The following PIP4P1 variants were observed in gnomAD, a reference collection of about 807,000 sequenced individuals.
PIP4P1 encodes the protein type 1 phosphatidylinositol 4,5-bisphosphate 4-phosphatase.
PIP4P1 carries 14 observed loss-of-function variants against 32.3 expected under a neutral mutation model. The ratio of observed to expected loss-of-function variants is 0.43; its 90% CI spans 0.29 to 0.68. The LOEUF is 0.68. PIP4P1 is among the 30% of genes least tolerant of loss of function. The pLI, the probability that PIP4P1 is intolerant of heterozygous loss-of-function variation, is 0.15. For synonymous variants in PIP4P1, 132 were observed against 137.9 expected (o/e 0.96, Z 0.30); for missense variants, 289 against 364.5 (o/e 0.79, Z 1.69).
intron 6 of PIP4P1, 116 bp downstream of exon 6, chr14:20,459,085 TAAAAC>T (rs765639155): frequency 6.6e-5 from 71 of 1,080,224 alleles, no homozygotes; most frequent in South Asian, 4.9e-4. Context: ...ATCCATATCT[TAAAAC>T]AAAACAAACT....
At chr14:20,460,619 G>A (rs1566518513) in intron 2 of PIP4P1, 36 bp downstream of exon 2, 2 of 1,603,196 alleles carry the variant, frequency 1.2e-6, no homozygotes, top group East Asian at 2.2e-5. Flanking sequence ...GAGGATCCAG[G>A]AAACAGGGCC....
At chr14:20,460,617 A>C in intron 2 of PIP4P1, 38 bp downstream of exon 2, 1 of 1,601,568 alleles carries the variant, frequency 6.2e-7, no homozygotes, top group Non-Finnish European at 8.5e-7. Context: ...AAGAGGATCC[A>C]GGAAACAGGG....
At position 20,459,383 on chromosome 14, in the gene PIP4P1, C is replaced by T. The variant is rs1475040751; in HGVS notation, c.599+5G>A. On this transcript the variant is annotated splice_donor_5th_base_variant and intron_variant, in intron 5 of 6. Coordinates refer to ENST00000250489, the MANE Select transcript of PIP4P1 (RefSeq NM_144568.4). ...CAATTACCAGCTCAATCCCTAATCACTTACACTTTCCTGCAGTGAGGACAA... is the reference window on the plus strand; with the variant it reads ...CAATTACCAGCTCAATCCCTAATCATTTACACTTTCCTGCAGTGAGGACAA... 2 of 1,614,222 alleles carry T rather than the reference C, an allele frequency of 1.2e-6. No individual in the cohort carries two copies. Among genetic ancestry groups the T allele is most frequent in the Non-Finnish European group, 1.7e-6 (2 of 1,180,038 alleles).
rs1881542471 is a variant in PIP4P1 at position 20,458,368 on chromosome 14, A to T, written c.*191T>A. 3 of 794,388 alleles carry T rather than the reference A, an allele frequency of 3.8e-6. No individual in the cohort carries two copies. In the East Asian group the frequency reaches 8.0e-5, roughly 21 times the overall value. 49.2% of individuals were successfully genotyped at this position (794,388 alleles called of 1,614,324 possible). A position where few individuals can be genotyped will look rare whatever the true frequency, so the allele number is the denominator to read the frequency against. On this transcript the variant is annotated 3_prime_UTR_variant, in exon 7 of 7. Transcript: ENST00000250489. ...AACCCTTGGAGGAAAGCAGATGGTCAGCAGTGCTCTTATCTGCCCCTCCAA... is the reference window on the plus strand; with the variant it reads ...AACCCTTGGAGGAAAGCAGATGGTCTGCAGTGCTCTTATCTGCCCCTCCAA...
rs3189662 is a variant in PIP4P1 at position 20,457,694 on chromosome 14, A to T, written c.*865T>A. 44 of 758,554 alleles carry T rather than the reference A, an allele frequency of 5.8e-5. No individual in the cohort carries two copies. In the Middle Eastern group the frequency reaches 1.0e-3, roughly 18 times the overall value. The allele number at this position is 758,554 out of a possible 1,614,324, so 47.0% of individuals were successfully genotyped here. Reference sequence around the variant, plus strand: ...TTTATTTGAGGGTTTTTTGTTTTTTAAAAAAAAATTGAACAAAGACTACTA... The same window carrying T: ...TTTATTTGAGGGTTTTTTGTTTTTTTAAAAAAAATTGAACAAAGACTACTA... On this transcript the variant is annotated 3_prime_UTR_variant, in exon 7 of 7. Coordinates refer to ENST00000250489, the MANE Select transcript of PIP4P1 (RefSeq NM_144568.4).
chr14:20,458,684 C>T lies in PIP4P1; in HGVS notation c.709G>A (p.Ala237Thr), dbSNP rs139808016. 2 of 1,612,444 alleles carry T rather than the reference C, an allele frequency of 1.2e-6. No individual in the cohort carries two copies. Among genetic ancestry groups the T allele is most frequent in the Non-Finnish European group, 1.7e-6 (2 of 1,179,370 alleles). ...GCATAGATGCCTCCATATCGCCGTG[C>T]ATGCTTCCATGTGCCAAACTGATGA... ...TGLAFGTWKH[A>T]RRYGGIYAAW... is the part of the protein sequence containing the mutation. Residue 237 changes from alanine to threonine, a missense_variant, in exon 7 of 7, where the codon GCA becomes ACA. Coordinates refer to ENST00000250489, the MANE Select transcript of PIP4P1 (RefSeq NM_144568.4).
chr14:20,459,337 T>C (rs1294772526), intron 5 of PIP4P1, 41 bp from the exon 6 acceptor site: 12 of 1,614,072 alleles, frequency 7.4e-6, no homozygotes, highest in Non-Finnish European at 1.0e-5. Flanking sequence ...TCTATGGCCT[T>C]GTAGTTTTTA....
At chr14:20,460,094 A>G in intron 3 of PIP4P1, 98 bp downstream of exon 3, 1 of 913,248 alleles carries the variant, frequency 1.1e-6, no homozygotes, top group Non-Finnish European at 1.8e-6. Flanking sequence ...TCCTAAATAA[A>G]CACTAGGCTC....
chr14:20,458,443 G>T lies in PIP4P1; in HGVS notation c.*116C>A. On this transcript the variant is annotated 3_prime_UTR_variant, in exon 7 of 7. Transcript: ENST00000250489. ...CCTACCTCTCCCCAGGGAAAAGGAA[G>T]GCAGCTGCTTGGCTTCCTTCTAGAA... 1 of 1,471,818 alleles carries T rather than the reference G, an allele frequency of 6.8e-7. No homozygotes were observed. The highest frequency in any genetic ancestry group is 9.3e-7 in the Non-Finnish European group (1 of 1,074,300). 91.2% of individuals were successfully genotyped at this position (1,471,818 alleles called of 1,614,324 possible). A position where few individuals can be genotyped will look rare whatever the true frequency, so the allele number is the denominator to read the frequency against.
chr14:20,458,702 A>G lies in PIP4P1; in HGVS notation c.691T>C (p.Phe231Leu). The change falls in exon 7 of 7, where the codon TTT (phenylalanine) becomes CTT (leucine). Residue 231 changes from phenylalanine (F) to leucine (L), a missense_variant and splice_region_variant. Around this residue, in one of 2 missense-constraint regions of PIP4P1, gnomAD observed 181 missense variants for 263.3 expected, o/e 0.69. Coordinates refer to ENST00000250489, the MANE Select transcript of PIP4P1 (RefSeq NM_144568.4). ...LLAVTATGLA[F>L]GTWKHARRYG... ...CGCCGTGCATGCTTCCATGTGCCAAACTGATGAAGATAAGGAGGGAGAAGA... is the reference window on the plus strand; with the variant it reads ...CGCCGTGCATGCTTCCATGTGCCAAGCTGATGAAGATAAGGAGGGAGAAGA... 1 of 1,611,118 alleles carries G rather than the reference A, an allele frequency of 6.2e-7. No individual in the cohort carries two copies.
rs1881683623 is a variant in PIP4P1 at position 20,460,961 on chromosome 14, T to C, written c.143-116A>G. 3.1e-6 allele frequency: 4 copies of C among 1,307,148 alleles called. No individual in the cohort carries two copies. In the Admixed American group the frequency reaches 1.0e-4, roughly 33 times the overall value. 81.0% of individuals were successfully genotyped at this position (1,307,148 alleles called of 1,614,324 possible). ...CTGACCAAGCTCGGAGGGCTTCTCATAATTGGCACTTCTATCAGGTTGCTC... is the reference window on the plus strand; with the variant it reads ...CTGACCAAGCTCGGAGGGCTTCTCACAATTGGCACTTCTATCAGGTTGCTC... On this transcript the variant is annotated intron_variant, in intron 1 of 6. Transcript: ENST00000250489.
rs1049820350 is a variant in PIP4P1 at position 20,460,583 on chromosome 14, A to G, written c.333+72T>C. On this transcript the variant is annotated intron_variant, in intron 2 of 6. Transcript: ENST00000250489. ...GCACTTGGCTAATAGCCGGAAGGTC[A>G]GGGTCTAGAACCAAGACATCAGAAA... 4.6e-6 allele frequency: 7 copies of G among 1,508,698 alleles called. No homozygotes were observed. In the African/African-American group the frequency reaches 8.3e-5, roughly 18 times the overall value. 93.5% of individuals were successfully genotyped at this position (1,508,698 alleles called of 1,614,324 possible). A position where few individuals can be genotyped will look rare whatever the true frequency, so the allele number is the denominator to read the frequency against.
chr14:20,458,262 A>G lies in PIP4P1; in HGVS notation c.*297T>C, dbSNP rs1881532438. On this transcript the variant is annotated 3_prime_UTR_variant, in exon 7 of 7. Transcript: ENST00000250489. ...GGGACAGGAATGGCTCTCAGGGAGC[A>G]CACAGGAAGGACAAGGCTGGAACCG... 8 of 536,588 alleles carry G rather than the reference A, an allele frequency of 1.5e-5. No individual in the cohort carries two copies. Among genetic ancestry groups the G allele is most frequent in the South Asian group, 1.2e-4 (8 of 65,272 alleles). 33.2% of individuals were successfully genotyped at this position (536,588 alleles called of 1,614,324 possible).
chr14:20,460,906 G>A, intron 1 of PIP4P1, 61 bp from the exon 2 acceptor site: 1 of 1,477,786 alleles, frequency 6.8e-7, no homozygotes, highest in Non-Finnish European at 9.0e-7. Context: ...GCTCCACGGT[G>A]GTAGGGAAGT....
At chr14:20,460,590 A>G (rs1881663546) in intron 2 of PIP4P1, 65 bp downstream of exon 2, 1 of 1,555,972 alleles carries the variant, frequency 6.4e-7, no homozygotes, top group Non-Finnish European at 8.8e-7. Context: ...GTCAGGGTCT[A>G]GAACCAAGAC....
chr14:20,457,912 A>G lies in PIP4P1; in HGVS notation c.*647T>C, dbSNP rs979349759. 1 of 331,030 alleles carries G rather than the reference A, an allele frequency of 3.0e-6. No homozygotes were observed. The highest frequency in any genetic ancestry group is 2.1e-5 in the African/African-American group (1 of 46,580). The allele number at this position is 331,030 out of a possible 1,614,324, so 20.5% of individuals were successfully genotyped here. Reference sequence around the variant, plus strand: ...ACAGGATAAGTCCCTAACCTCCCCCAAAGACTGAGCAACCCTACCCAGCCC... The same window carrying G: ...ACAGGATAAGTCCCTAACCTCCCCCGAAGACTGAGCAACCCTACCCAGCCC... On this transcript the variant is annotated 3_prime_UTR_variant, in exon 7 of 7. Transcript: ENST00000250489.
intron 4 of PIP4P1, 39 bp downstream of exon 4, chr14:20,459,589 G>C (rs1378727259): frequency 6.3e-7 from 1 of 1,590,038 alleles, no homozygotes; most frequent in Admixed American, 1.7e-5. Flanking sequence ...ATGACTCTTA[G>C]TCTCCTTTCC....
In PIP4P1 at chr14:20,459,710, G is replaced by A. The variant is rs1881629027; in HGVS notation, c.464C>T (p.Pro155Leu). The change falls in exon 4 of 7, where the codon CCT (proline) becomes CTT (leucine). Residue 155 changes from proline (P) to leucine (L), a missense_variant. This residue lies in a region of PIP4P1 where 181 missense variants were observed against 263.3 expected (regional missense o/e 0.69). Transcript: ENST00000250489. ...TGGACTCAGAGGTCCGGGATGCACA[G>A]GCCCCAGGTTGATGATTCTTTTGCT... ...PYCKRIINLG[P>L]VHPGPLSPEP... 1.2e-6 allele frequency: 2 copies of A among 1,613,986 alleles called. No homozygotes were observed. The highest frequency in any genetic ancestry group is 1.7e-6 in the Non-Finnish European group (2 of 1,180,012).
At chr14:20,460,603 C>T in intron 2 of PIP4P1, 52 bp downstream of exon 2, 1 of 1,586,592 alleles carries the variant, frequency 6.3e-7, no homozygotes, top group Non-Finnish European at 8.6e-7. Context: ...ACCAAGACAT[C>T]AGAAAGAGGA....
Sources: allele counts gnomAD v4.1 joint callset, GRCh38; gene constraint gnomAD v4.1.1; regional missense constraint gnomAD v4.1.1; transcripts MANE v1.5; gene names NCBI Gene and HGNC (gene_info 2026-07-23, HGNC 2026-07-21).